OPRM1: variants seen among roughly 807,000 people sequenced by gnomAD.
OPRM1 encodes the protein opioid receptor mu 1.
In OPRM1, 27 loss-of-function variants were observed where a neutral mutation model predicts 31.8. That is an observed-to-expected ratio of 0.85 (90% CI 0.63 to 1.17). The LOEUF is 1.17. OPRM1 is among the 50% of genes most tolerant of loss of function. The probability of loss-of-function intolerance (pLI) is 0.00; values close to 1 mark genes in which losing one functional copy is unlikely to be tolerated. For synonymous variants in OPRM1, 196 were observed against 189.9 expected, an observed-to-expected ratio of 1.03 and a Z score of -0.26; for missense variants, 536 against 511.1, an observed-to-expected ratio of 1.05 and a Z score of -0.47.
intron 3 of OPRM1, chr6:154,093,569 G>C: frequency 6.6e-7 from 1 of 1,510,594 alleles, no homozygotes; most frequent in Non-Finnish European, 8.8e-7. Flanking sequence ...GAGGAGTTCT[G>C]TTCCAAGTAA....
At chr6:154,064,724 A>G (rs909606688) in intron 1 of OPRM1, among the ~76,000 whole-genome samples, 1 of 152,304 alleles carries the variant, frequency 6.6e-6, no homozygotes, top group Non-Finnish European at 1.5e-5. Flanking sequence ...CAATTTTCCC[A>G]ACACCATTTG....
chr6:154,244,500 G>C (rs1381890005), intron 3 of OPRM1, among the ~76,000 whole-genome samples: 1 of 152,184 alleles, frequency 6.6e-6, no homozygotes, highest in Non-Finnish European at 1.5e-5. Flanking sequence ...TTTGCAACCT[G>C]AATATTGCTT....
At chr6:154,030,599 T>A (rs906574953) in intron 1 of OPRM1, among the ~76,000 whole-genome samples, 53 of 151,878 alleles carry the variant, frequency 3.5e-4, no homozygotes, top group African/African-American at 1.1e-3. Flanking sequence ...AGTAGCAAAT[T>A]AATTTTTAGT....
At chr6:154,164,918 G>C (rs958971854) in intron 3 of OPRM1, among the ~76,000 whole-genome samples, 29 of 152,294 alleles carry the variant, frequency 1.9e-4, no homozygotes, top group African/African-American at 7.0e-4. Context: ...CAACTTGGAA[G>C]TTTGCTCAAC....
chr6:154,135,774 A>T (rs1244599054), downstream of OPRM1, among the ~76,000 whole-genome samples: 1 of 152,182 alleles, frequency 6.6e-6, no homozygotes, highest in African/African-American at 2.4e-5. Context: ...AGCTGTAGGC[A>T]CCACTCGACA....
intron 3 of OPRM1, among the ~76,000 whole-genome samples, chr6:154,170,449 A>T (rs1054707908): frequency 1.3e-5 from 2 of 152,228 alleles, no homozygotes; most frequent in Non-Finnish European, 2.9e-5. Context: ...TTATGCAAGA[A>T]TTAGTTTCCC....
chr6:154,146,922 A>G (rs1395613849), intron 3 of OPRM1, among the ~76,000 whole-genome samples: 1 of 152,218 alleles, frequency 6.6e-6, no homozygotes, highest in Non-Finnish European at 1.5e-5. Flanking sequence ...AAGTAAGCTA[A>G]TTAACAAAAC....
At chr6:154,033,419 GTC>G (rs1337336795) in intron 1 of OPRM1, among the ~76,000 whole-genome samples, 2 of 152,144 alleles carry the variant, frequency 1.3e-5, no homozygotes, top group African/African-American at 4.8e-5. Flanking sequence ...ACCAACGAGA[GTC>G]TTTTATACAA....
At chr6:154,208,370 G>C (rs1045986507) in intron 3 of OPRM1, among the ~76,000 whole-genome samples, 1 of 152,122 alleles carries the variant, frequency 6.6e-6, no homozygotes, top group Non-Finnish European at 1.5e-5. Context: ...TCAAGGTTTC[G>C]CTCAGATCTC....
At chr6:154,026,952 G>T (rs980127654) in intron 1 of OPRM1, among the ~76,000 whole-genome samples, 1 of 151,412 alleles carries the variant, frequency 6.6e-6, no homozygotes, top group South Asian at 2.1e-4. Context: ...AATAGTCCCT[G>T]GTGGCTTATT....
At chr6:154,060,355 A>T (rs907578863) in intron 1 of OPRM1, among the ~76,000 whole-genome samples, 1 of 152,190 alleles carries the variant, frequency 6.6e-6, no homozygotes, top group Non-Finnish European at 1.5e-5. Context: ...AAGAACCAAA[A>T]GTACCCAGCA....
intron 3 of OPRM1, among the ~76,000 whole-genome samples, chr6:154,169,135 A>T (rs971694927): frequency 6.6e-6 from 1 of 152,082 alleles, no homozygotes; most frequent in African/African-American, 2.4e-5. Flanking sequence ...CCAAGGCAGG[A>T]GGATCGCCTG....
chr6:154,082,671 A>G (rs1281804832), intron 1 of OPRM1, among the ~76,000 whole-genome samples: 2 of 152,188 alleles, frequency 1.3e-5, no homozygotes, highest in Non-Finnish European at 2.9e-5. Context: ...AATATAAGAA[A>G]TGACCTTTCC....
At chr6:154,034,015 C>T (rs60178318) in intron 1 of OPRM1, among the ~76,000 whole-genome samples, 4,381 of 152,150 alleles carry the variant, frequency 0.029, 198 homozygotes, top group African/African-American at 0.1. Context: ...AAGAAAAACA[C>T]GAAAGAAGTT....
At chr6:154,088,179 A>C (rs990639169) in intron 1 of OPRM1, among the ~76,000 whole-genome samples, 5 of 152,236 alleles carry the variant, frequency 3.3e-5, no homozygotes, top group African/African-American at 1.2e-4. Flanking sequence ...ATGAATCTCA[A>C]AATAATGACA....
At chr6:154,097,894 T>C (rs1169240992) in intron 3 of OPRM1, among the ~76,000 whole-genome samples, 4 of 152,132 alleles carry the variant, frequency 2.6e-5, no homozygotes. Flanking sequence ...TTGAGGAAAC[T>C]AATGTTTAAG....
At chr6:154,238,313 T>C (rs188204634) in intron 3 of OPRM1, among the ~76,000 whole-genome samples, 1 of 152,262 alleles carries the variant, frequency 6.6e-6, no homozygotes, top group Non-Finnish European at 1.5e-5. Context: ...TAGAGTGCAA[T>C]GGCGCTGTCT....
intron 1 of OPRM1, among the ~76,000 whole-genome samples, chr6:154,031,742 G>A (rs1779020655): frequency 6.6e-6 from 1 of 151,766 alleles, no homozygotes; most frequent in Non-Finnish European, 1.5e-5. Context: ...CTCCGTCTCG[G>A]AAAAAAATAA....
At chr6:154,191,569 G>A (rs1801887815) in intron 3 of OPRM1, among the ~76,000 whole-genome samples, 1 of 151,984 alleles carries the variant, frequency 6.6e-6, no homozygotes, top group Non-Finnish European at 1.5e-5. Context: ...AGCTACTTGG[G>A]AGGCTGAGGC....
Sources: gnomAD v4.1 joint callset for allele counts (sites outside exome capture counted in the v4.1 genomes callset) on GRCh38, gnomAD v4.1.1 for gene constraint, MANE v1.5 for transcripts, NCBI Gene and HGNC (gene_info 2026-07-23, HGNC 2026-07-21) for gene names.